Variants in PTCSC3 observed in about 807,000 individuals in gnomAD.
PTCSC3 encodes the protein papillary thyroid carcinoma susceptibility candidate 3 (non-protein coding).
downstream of PTCSC3, among the ~76,000 whole-genome samples, chr14:36,135,611 T>A (rs1317327722): frequency 1.3e-5 from 2 of 152,216 alleles, no homozygotes; most frequent in East Asian, 3.9e-4. Flanking sequence ...AAATTTTCTG[T>A]CTGCTGCTCA....
rs115278579 is a variant in PTCSC3, at chr14:36,150,404, C to T, written n.322+3400G>A. On this transcript the variant is annotated intron_variant and non_coding_transcript_variant, in intron 3 of 3. Coordinates refer to ENST00000556013, the Ensembl canonical transcript of PTCSC3. The stretch of plus-strand genomic sequence containing the variant: ...CCATCTATAAACCAAAAAGTGTGCT[C>T]GCACCAGATATTGAATCTGTTGGTG... Among the ~76,000 whole-genome samples, 275 of 152,260 alleles carry T rather than the reference C, an allele frequency of 1.8e-3. 3 individuals carry two copies. Among genetic ancestry groups the T allele is most frequent in the African/African-American group, 6.2e-3 (257 of 41,538 alleles).
chr14:36,172,411 C>G (rs575408207), intron 1 of PTCSC3, among the ~76,000 whole-genome samples: 6 of 152,008 alleles, frequency 3.9e-5, no homozygotes, highest in Admixed American at 2.6e-4. Context: ...TAGTTCTTTT[C>G]TTAAATTAAC....
intron 1 of PTCSC3, among the ~76,000 whole-genome samples, chr14:36,164,614 C>T (rs566887705): frequency 1.7e-4 from 26 of 151,936 alleles, no homozygotes; most frequent in African/African-American, 4.8e-4. Flanking sequence ...AACAACTATC[C>T]GTACTTGGAC....
At chr14:36,144,247 G>GT (rs1426217529) in intron 3 of PTCSC3, among the ~76,000 whole-genome samples, 1 of 148,316 alleles carries the variant, frequency 6.7e-6, no homozygotes, top group African/African-American at 2.5e-5. Flanking sequence ...AATTACCTTG[G>GT]GCAGTATGGC....
At chr14:36,176,140 A>T (rs1882276717) in intron 1 of PTCSC3, among the ~76,000 whole-genome samples, 3 of 152,166 alleles carry the variant, frequency 2.0e-5, no homozygotes, top group African/African-American at 7.2e-5. Context: ...AGAGAGCAAT[A>T]TTAAGGTTTT....
chr14:36,161,483 G>C (rs983385457), intron 2 of PTCSC3, among the ~76,000 whole-genome samples: 3 of 152,168 alleles, frequency 2.0e-5, no homozygotes, highest in African/African-American at 7.2e-5. Context: ...AGACCACTCT[G>C]CTGCAGGTCT....
intron 2 of PTCSC3, among the ~76,000 whole-genome samples, chr14:36,154,311 G>A (rs1033385925): frequency 5.9e-5 from 9 of 152,060 alleles, no homozygotes; most frequent in African/African-American, 1.7e-4. Flanking sequence ...GTTAACTTAT[G>A]TACATTATTA....
intron 1 of PTCSC3, among the ~76,000 whole-genome samples, chr14:36,168,359 GAATATATA>G (rs1882132507): frequency 1.8e-5 from 1 of 56,960 alleles, no homozygotes; most frequent in Non-Finnish European, 2.9e-5. Flanking sequence ...TATTGATTCT[GAATATATA>G]TATATATATA....
intron 3 of PTCSC3, among the ~76,000 whole-genome samples, chr14:36,143,569 G>A (rs1461892816): frequency 1.3e-5 from 2 of 148,808 alleles, no homozygotes. Context: ...CCCTTTGTCA[G>A]ATGAGTAGGT....
chr14:36,158,733 G>T (rs905769329), intron 2 of PTCSC3, among the ~76,000 whole-genome samples: 1 of 152,136 alleles, frequency 6.6e-6, no homozygotes, highest in African/African-American at 2.4e-5. Flanking sequence ...TTGTGTCTCT[G>T]CCAGGTTTTG....
chr14:36,163,615 C>A (rs1882021558), intron 1 of PTCSC3, among the ~76,000 whole-genome samples: 1 of 152,212 alleles, frequency 6.6e-6, no homozygotes, highest in Admixed American at 6.5e-5. Flanking sequence ...TACAGGAATT[C>A]TGCACGTATC....
chr14:36,162,821 A>AT (rs1881995866), intron 1 of PTCSC3: 1 of 152,216 alleles, frequency 6.6e-6, no homozygotes. Flanking sequence ...CCTTGCCATG[A>AT]TTCCATCAGT....
At chr14:36,174,057 C>G (rs1175817922) in intron 1 of PTCSC3, among the ~76,000 whole-genome samples, 1 of 151,894 alleles carries the variant, frequency 6.6e-6, no homozygotes, top group Non-Finnish European at 1.5e-5. Context: ...CTCTAACGTG[C>G]CTAGGTGCAG....
At chr14:36,160,173 T>C (rs1279605397) in intron 2 of PTCSC3, among the ~76,000 whole-genome samples, 1 of 152,224 alleles carries the variant, frequency 6.6e-6, no homozygotes, top group Non-Finnish European at 1.5e-5. Context: ...GTCTTGACTC[T>C]TTATCCAATT....
chr14:36,148,443 C>T (rs1188251562), intron 3 of PTCSC3, among the ~76,000 whole-genome samples: 1 of 152,212 alleles, frequency 6.6e-6, no homozygotes, highest in Non-Finnish European at 1.5e-5. Context: ...CTGTCCGTCA[C>T]CCCTTTCTTT....
chr14:36,153,632 C>T (rs1054484007), intron 3 of PTCSC3, among the ~76,000 whole-genome samples: 2 of 152,056 alleles, frequency 1.3e-5, no homozygotes, highest in Non-Finnish European at 2.9e-5. Flanking sequence ...CCAACAGAAA[C>T]GCATCTATAT....
intron 1 of PTCSC3, chr14:36,165,359 A>G (rs1043088713): frequency 6.6e-6 from 1 of 152,138 alleles, no homozygotes; most frequent in Non-Finnish European, 1.5e-5. Context: ...GGACCTGGCT[A>G]TGTTTGTCCT....
At chr14:36,176,603 T>C (rs1465042840), upstream of PTCSC3, 1 of 152,128 alleles carries the variant, frequency 6.6e-6, no homozygotes, top group Non-Finnish European at 1.5e-5. Flanking sequence ...TATACTTTAC[T>C]CTTCAAAAAC....
chr14:36,151,401 C>T (rs777062993), intron 3 of PTCSC3, among the ~76,000 whole-genome samples: 26 of 151,724 alleles, frequency 1.7e-4, no homozygotes, highest in Non-Finnish European at 2.6e-4. Flanking sequence ...TGAGCTTTCT[C>T]GATCTTTGGC....
Sources: allele counts gnomAD v4.1 joint callset (sites outside exome capture counted in the v4.1 genomes callset), GRCh38; gene constraint gnomAD v4.1.1; transcripts MANE v1.5; gene names NCBI Gene and HGNC (gene_info 2026-07-23, HGNC 2026-07-21).